The following DOCK10 variants were observed in gnomAD, a reference collection of about 807,000 sequenced individuals.
The protein encoded by DOCK10 is dedicator of cytokinesis protein 10.
A neutral mutation model predicts 280.1 loss-of-function variants in DOCK10; 145 were observed. The observed-to-expected ratio is 0.52, with a 90% CI of 0.45 to 0.59. DOCK10 has a LOEUF of 0.59. Among genes scored for constraint, DOCK10 ranks in the 20% least tolerant of loss-of-function variants. The pLI is 0.00. For missense variants in DOCK10, 2,368 were observed against 2,651.7 expected (o/e 0.89, Z 2.35); for synonymous variants, 915 against 942.2 (o/e 0.97, Z 0.53).
intron 1 of DOCK10, among the ~76,000 whole-genome samples, chr2:225,041,987 C>T (rs1304113021): frequency 2.6e-5 from 4 of 152,356 alleles, no homozygotes; most frequent in Admixed American, 2.6e-4. Flanking sequence ...CACATCCTCT[C>T]CCACGCTGCG....
chr2:224,954,732 T>TA (rs1188043586), intron 1 of DOCK10, among the ~76,000 whole-genome samples: 3 of 152,262 alleles, frequency 2.0e-5, no homozygotes, highest in Non-Finnish European at 2.9e-5. Context: ...CCTGGATTGA[T>TA]ACTGCTCTTT....
intron 1 of DOCK10, among the ~76,000 whole-genome samples, chr2:224,997,485 G>A (rs1211177698): frequency 3.3e-5 from 5 of 152,124 alleles, no homozygotes; most frequent in Non-Finnish European, 5.9e-5. Context: ...GCCCACCTCA[G>A]CCTCTCAAAG....
intron 3 of DOCK10, among the ~76,000 whole-genome samples, chr2:224,911,126 A>G (rs13031915): frequency 0.57 from 86,561 of 151,884 alleles, 25,430 homozygotes; most frequent in Non-Finnish European, 0.64. Flanking sequence ...AAGGCACTCT[A>G]CTTGGTTTCT....
chr2:225,014,082 T>TATATATATATA lies in DOCK10; in HGVS notation c.123+28169_123+28170insTATATATATAT, dbSNP rs143161746. 5.7e-3 allele frequency among the ~76,000 whole-genome samples: 261 copies of TATATATATATA among 45,666 alleles called. 1 individual carries two copies. The highest frequency in any genetic ancestry group is 0.02 in the African/African-American group (222 of 11,312). The allele number at this position is 45,666 out of a possible 152,430, so 30.0% of individuals were successfully genotyped here. On this transcript the variant is annotated intron_variant, in intron 1 of 55. Transcript: ENST00000258390. ...AAAAATCCCCAGAAGTCTGAATATATTGTTTTTTTTTTTTTGTTTTTTTTT... is the reference window on the plus strand; with the variant it reads ...AAAAATCCCCAGAAGTCTGAATATATATATATATATATGTTTTTTTTTTTTTGTTTTTTTTT...
At chr2:224,824,735 T>C (rs1208697177) in intron 27 of DOCK10, among the ~76,000 whole-genome samples, 1 of 152,016 alleles carries the variant, frequency 6.6e-6, no homozygotes, top group African/African-American at 2.4e-5. Flanking sequence ...TGCCCAGCCT[T>C]ACTTCTGATA....
chr2:224,952,065 G>A (rs1703771874), intron 1 of DOCK10, among the ~76,000 whole-genome samples: 1 of 152,114 alleles, frequency 6.6e-6, no homozygotes, highest in South Asian at 2.1e-4. Flanking sequence ...GGCTTTCAGG[G>A]CCTCATGTGA....
At chr2:225,008,375 C>T (rs1350847982) in intron 1 of DOCK10, among the ~76,000 whole-genome samples, 2 of 152,134 alleles carry the variant, frequency 1.3e-5, no homozygotes, top group African/African-American at 4.8e-5. Flanking sequence ...GACACTTTTT[C>T]TTCTGAGGCA....
chr2:224,845,018 G>A (rs1559543592), intron 21 of DOCK10, among the ~76,000 whole-genome samples, 179 bp from the exon 22 acceptor site: 1 of 152,136 alleles, frequency 6.6e-6, no homozygotes, highest in Non-Finnish European at 1.5e-5. Flanking sequence ...TATGACATCG[G>A]GATCATTTTT....
At chr2:224,981,297 C>A (rs77747727) in intron 1 of DOCK10, among the ~76,000 whole-genome samples, 2,565 of 152,236 alleles carry the variant, frequency 0.017, 36 homozygotes, top group Admixed American at 0.048. Flanking sequence ...AGTATTCTGT[C>A]ACTCAGAGGC....
intron 27 of DOCK10, among the ~76,000 whole-genome samples, chr2:224,824,550 C>A (rs142460906): frequency 1.7e-4 from 25 of 149,532 alleles, no homozygotes; most frequent in Admixed American, 5.4e-4. Flanking sequence ...AATTGTCCCA[C>A]CTCAGCCTCC....
chr2:224,817,760 A>T (rs1250618304), intron 29 of DOCK10, among the ~76,000 whole-genome samples: 1 of 152,250 alleles, frequency 6.6e-6, no homozygotes, highest in African/African-American at 2.4e-5. Flanking sequence ...TTTCAAAACC[A>T]GATGACATAA....
intron 1 of DOCK10, chr2:224,946,812 G>C: frequency 6.8e-7 from 1 of 1,460,860 alleles, no homozygotes; most frequent in Non-Finnish European, 9.2e-7. Flanking sequence ...TTGAAGGAAA[G>C]ATGGAAAGCA....
At chr2:224,787,203 TG>T (rs1691791266) in intron 49 of DOCK10, 68 bp from the exon 50 acceptor site, 20 of 1,610,066 alleles carry the variant, frequency 1.2e-5, no homozygotes, top group Non-Finnish European at 1.7e-5. Context: ...TTTTTAATTT[TG>T]AAAACTGTAA....
chr2:224,978,101 C>T (rs536971781), intron 1 of DOCK10, among the ~76,000 whole-genome samples: 3 of 152,206 alleles, frequency 2.0e-5, no homozygotes, highest in African/African-American at 7.2e-5. Context: ...TATTTAGCTT[C>T]GATGTAAAAG....
At position 225,014,081 on chromosome 2, in the gene DOCK10, A is replaced by ATATATATATATATTTTTT. The variant is rs776104946; in HGVS notation, c.123+28170_123+28171insAAAAAATATATATATATA. The stretch of plus-strand genomic sequence containing the variant: ...AAAAAATCCCCAGAAGTCTGAATAT[A>ATATATATATATATTTTTT]TTGTTTTTTTTTTTTTGTTTTTTTT... On this transcript the variant is annotated intron_variant, in intron 1 of 55. Coordinates refer to ENST00000258390, the MANE Select transcript of DOCK10 (RefSeq NM_014689.3). Among the ~76,000 whole-genome samples the ATATATATATATATTTTTT allele has an allele frequency of 8.3e-5, 8 of 96,824 alleles. No individual in the cohort carries two copies. The South Asian group carries it at 2.1e-3, about 26-fold the overall frequency. 63.5% of individuals were successfully genotyped at this position (96,824 alleles called of 152,430 possible).
At chr2:224,924,879 T>C (rs1190128573) in intron 2 of DOCK10, among the ~76,000 whole-genome samples, 1 of 152,202 alleles carries the variant, frequency 6.6e-6, no homozygotes, top group Non-Finnish European at 1.5e-5. Context: ...GCCAAAAGCA[T>C]GCTGTTTAGA....
chr2:224,831,248 T>C (rs778722653), intron 26 of DOCK10, among the ~76,000 whole-genome samples: 27 of 152,184 alleles, frequency 1.8e-4, no homozygotes, highest in Non-Finnish European at 3.5e-4. Context: ...ACAAACTTTT[T>C]ATTGTACCAA....
At chr2:224,836,363 T>C (rs1695592598) in intron 25 of DOCK10, among the ~76,000 whole-genome samples, 1 of 152,208 alleles carries the variant, frequency 6.6e-6, no homozygotes, top group African/African-American at 2.4e-5. Context: ...TGGATCTTAT[T>C]GGGTAAAATT....
intron 1 of DOCK10, among the ~76,000 whole-genome samples, chr2:225,011,147 T>C (rs1689423356): frequency 6.6e-6 from 1 of 152,160 alleles, no homozygotes; most frequent in Admixed American, 6.5e-5. Context: ...AGCAAGCAAG[T>C]GTTGCCAAAT....
Sources: allele counts gnomAD v4.1 joint callset (sites outside exome capture counted in the v4.1 genomes callset), GRCh38; gene constraint gnomAD v4.1.1; transcripts MANE v1.5; gene names NCBI Gene and HGNC (gene_info 2026-07-23, HGNC 2026-07-21).